Variants in ANOS1 observed in about 807,000 individuals in gnomAD.
The protein encoded by ANOS1 is anosmin-1.
A neutral mutation model predicts 59.0 loss-of-function variants in ANOS1; 6 were observed. The ratio of observed to expected loss-of-function variants is 0.10; its 90% confidence interval spans 0.06 to 0.20. ANOS1 has a LOEUF of 0.20. Among genes scored for constraint, ANOS1 ranks in the 10% least tolerant of loss-of-function variants. ANOS1 has a pLI of 1.00. For missense variants in ANOS1, 433 were observed against 542.3 expected (o/e 0.80, Z 2.00); for synonymous variants, 217 against 223.4 (o/e 0.97, Z 0.25).
At chrX:8,557,358 A>C (rs1929965757) in intron 8 of ANOS1, among the ~76,000 whole-genome samples, 1 of 112,257 alleles carries the variant, frequency 8.9e-6, no homozygotes, top group Non-Finnish European at 1.9e-5. Flanking sequence ...TCTGCACAGC[A>C]AAAGAAACTA....
At chrX:8,555,297 C>A (rs184034375) in intron 8 of ANOS1, among the ~76,000 whole-genome samples, 188 of 110,920 alleles carry the variant, frequency 1.7e-3, no homozygotes, top group Admixed American at 2.9e-3. Context: ...AAAATCGACA[C>A]CCTAACATCA....
intron 8 of ANOS1, among the ~76,000 whole-genome samples, chrX:8,554,378 G>A (rs1051112322): frequency 4.5e-5 from 5 of 110,504 alleles, no homozygotes; most frequent in African/African-American, 6.6e-5. Context: ...AAGGGAAGCC[G>A]TGAGTGAGGG....
chrX:8,576,920 G>C (rs1930337501), intron 6 of ANOS1, among the ~76,000 whole-genome samples: 1 of 111,875 alleles, frequency 8.9e-6, no homozygotes, highest in Admixed American at 9.5e-5. Flanking sequence ...TTTCTGGAAA[G>C]GGCCAGATAG....
chrX:8,644,657 ATT>A (rs1201071336), intron 2 of ANOS1, among the ~76,000 whole-genome samples: 1 of 111,602 alleles, frequency 9.0e-6, no homozygotes, highest in African/African-American at 3.3e-5. Context: ...TTTACCATCT[ATT>A]CTCTCTGAAG....
Position 8,728,007 on chromosome X carries a change from C to T in ANOS1, c.207+3823G>A, listed in dbSNP as rs768092851. On this transcript the variant is annotated intron_variant, in intron 1 of 13. Coordinates refer to ENST00000262648, the MANE Select transcript of ANOS1 (RefSeq NM_000216.4). ...AAGCAAGTGGCAGAAGAAAGGAAAACGTTTTATATCTTATTTCCTTTAACA... is the reference window on the plus strand; with the variant it reads ...AAGCAAGTGGCAGAAGAAAGGAAAATGTTTTATATCTTATTTCCTTTAACA... Among the ~76,000 whole-genome samples, 10 of 112,588 alleles carry T rather than the reference C, an allele frequency of 8.9e-5. No individual in the cohort carries two copies. The South Asian group carries it at 1.1e-3, about 13-fold the overall frequency.
At chrX:8,637,906 T>C (rs191915331) in intron 2 of ANOS1, among the ~76,000 whole-genome samples, 18 of 112,491 alleles carry the variant, frequency 1.6e-4, no homozygotes, top group Non-Finnish European at 2.6e-4. Context: ...TTGTTCACTA[T>C]TTCTGTGGTT....
At chrX:8,575,841 C>T (rs943115126) in intron 6 of ANOS1, among the ~76,000 whole-genome samples, 3 of 111,397 alleles carry the variant, frequency 2.7e-5, no homozygotes, top group Non-Finnish European at 3.8e-5. Context: ...TGGTGACCCA[C>T]GTCTGTAATC....
intron 4 of ANOS1, among the ~76,000 whole-genome samples, chrX:8,590,216 T>C (rs1708376786): frequency 8.9e-6 from 1 of 112,242 alleles, no homozygotes; most frequent in African/African-American, 3.2e-5. Flanking sequence ...CATAATTGGC[T>C]ACCATTTATT....
At chrX:8,561,331 G>A (rs1443170066) in intron 8 of ANOS1, among the ~76,000 whole-genome samples, 6 of 110,412 alleles carry the variant, frequency 5.4e-5, no homozygotes, top group South Asian at 3.9e-4. Context: ...ACGGAGTCTC[G>A]CTTTGTCACC....
intron 2 of ANOS1, among the ~76,000 whole-genome samples, chrX:8,663,078 T>C (rs1252372470): frequency 4.5e-5 from 5 of 111,271 alleles, no homozygotes; most frequent in African/African-American, 1.6e-4. Context: ...AGGAAGAACA[T>C]CTACAAGCCA....
intron 2 of ANOS1, among the ~76,000 whole-genome samples, chrX:8,671,303 C>T (rs1213142208): frequency 2.7e-5 from 3 of 111,451 alleles, no homozygotes; most frequent in South Asian, 7.4e-4. Context: ...CTAGAAAACC[C>T]GACTCTTCAG....
At chrX:8,598,480 G>A (rs1031286514) in intron 3 of ANOS1, among the ~76,000 whole-genome samples, 14 of 111,777 alleles carry the variant, frequency 1.3e-4, no homozygotes, top group Non-Finnish European at 2.4e-4. Context: ...ATTTCTAAAA[G>A]CTGTCCCATC....
chrX:8,652,208 C>T (rs1931860083), intron 2 of ANOS1, among the ~76,000 whole-genome samples: 1 of 111,594 alleles, frequency 9.0e-6, no homozygotes, highest in Non-Finnish European at 1.9e-5. Context: ...GGCGATCCTC[C>T]CACCTCTGGC....
rs1188651373 is a variant in ANOS1, at chrX:8,587,956, T to A, written c.564A>T (p.Lys188Asn). The A allele has an allele frequency of 3.3e-6, 4 of 1,209,306 alleles. No homozygotes were observed. Among genetic ancestry groups the A allele is most frequent in the Non-Finnish European group, 1.1e-6 (1 of 893,867 alleles). ...LYKGVPLKPR[K>N]ELRFTELQSG... is the part of the protein sequence containing the mutation. ...ACTGCAGTTCTGTAAATCGTAACTCTTTTCTGGGCTTCAGGGGGACACCTG... is the reference window on the plus strand; with the variant it reads ...ACTGCAGTTCTGTAAATCGTAACTCATTTCTGGGCTTCAGGGGGACACCTG... The change falls in exon 5 of 14, where the codon AAA becomes AAT. Residue 188 changes from lysine (K) to asparagine (N), a missense_variant. Lys to Asn is a moderately conservative substitution (Grantham distance 94, BLOSUM62 0). Coordinates refer to ENST00000262648, the MANE Select transcript of ANOS1 (RefSeq NM_000216.4).
intron 1 of ANOS1, among the ~76,000 whole-genome samples, chrX:8,706,921 G>C (rs1932783211): frequency 9.0e-6 from 1 of 111,527 alleles, no homozygotes; most frequent in Non-Finnish European, 1.9e-5. Flanking sequence ...AAATACACCT[G>C]CCTCCAGACA....
At chrX:8,556,308 C>T (rs1416691521) in intron 8 of ANOS1, among the ~76,000 whole-genome samples, 1 of 111,918 alleles carries the variant, frequency 8.9e-6, no homozygotes, top group African/African-American at 3.3e-5. Flanking sequence ...TCCTATTCAA[C>T]ATAGTATTGG....
rs147979270 is a variant in ANOS1 at position 8,691,534 on chromosome X, T to C, written c.255+8164A>G. 6.8e-4 allele frequency among the ~76,000 whole-genome samples: 74 copies of C among 109,582 alleles called. 1 individual carries two copies. Among genetic ancestry groups the C allele is most frequent in the African/African-American group, 2.2e-3 (63 of 29,222 alleles). ...ATGGATGGATGGATGGATGGACGGA[T>C]GGATGGATGGATGAATAGGGTCAAT... On this transcript the variant is annotated intron_variant, in intron 2 of 13. Transcript: ENST00000262648.
chrX:8,661,203 T>C (rs1932032434), intron 2 of ANOS1, among the ~76,000 whole-genome samples: 1 of 109,507 alleles, frequency 9.1e-6, no homozygotes, highest in Non-Finnish European at 1.9e-5. Context: ...TGAGATGTCT[T>C]ATTCATTTCA....
chrX:8,659,552 T>TCCTTCCTTCCTC lies in ANOS1; in HGVS notation c.256-35883_256-35882insGAGGAAGGAAGG, dbSNP rs1169182903. 9.1e-3 allele frequency among the ~76,000 whole-genome samples: 894 copies of TCCTTCCTTCCTC among 98,515 alleles called. 17 individuals carry two copies. Among genetic ancestry groups the TCCTTCCTTCCTC allele is most frequent in the African/African-American group, 0.033 (857 of 25,999 alleles). 85.5% of individuals were successfully genotyped at this position (98,515 alleles called of 115,157 possible). A position where few individuals can be genotyped will look rare whatever the true frequency, so the allele number is the denominator to read the frequency against. On this transcript the variant is annotated intron_variant, in intron 2 of 13. Transcript: ENST00000262648. ...CTTTCTTTCTCTTTCCTTCCTTCCT[T>TCCTTCCTTCCTC]CCTTCCTTCCTTCCTCCCTGCTTGC... is the stretch of plus-strand genomic sequence containing the variant.
Sources: allele counts gnomAD v4.1 joint callset (sites outside exome capture counted in the v4.1 genomes callset), GRCh38; gene constraint gnomAD v4.1.1; transcripts MANE v1.5; gene names NCBI Gene and HGNC (gene_info 2026-07-23, HGNC 2026-07-21).